NOX4: variants seen among roughly 807,000 people sequenced by gnomAD.
The protein encoded by NOX4 is kidney oxidase-1.
Under a neutral mutation model 87.6 loss-of-function variants are expected in NOX4, and 69 were observed. That is an observed-to-expected ratio of 0.79 (90% confidence interval 0.65 to 0.96). The LOEUF (loss-of-function observed/expected upper bound fraction) is 0.96. Among genes scored for constraint, NOX4 ranks in the 40% least tolerant of loss-of-function variants. NOX4 has a pLI of 0.00. For missense variants in NOX4, 680 were observed against 681.5 expected (o/e 1.00, Z 0.02); for synonymous variants, 275 against 238.2 (o/e 1.15, Z -1.42).
At chr11:89,566,653 A>G in the NOX4 span, among the ~76,000 whole-genome samples, 1 of 152,208 alleles carries the variant, frequency 6.6e-6, no homozygotes, top group Non-Finnish European at 1.5e-5. Flanking sequence ...AGCATCTCCC[A>G]TGGTGAAAAC....
chr11:89,551,788 T>C, the NOX4 span, among the ~76,000 whole-genome samples: 2 of 152,098 alleles, frequency 1.3e-5, no homozygotes. Context: ...CATTTTTTTT[T>C]CTCTTGCCTG....
chr11:89,484,729 A>C (rs575691983), intron 2 of NOX4, among the ~76,000 whole-genome samples: 3 of 152,180 alleles, frequency 2.0e-5, no homozygotes, highest in Admixed American at 6.6e-5. Context: ...ATAGATAAAG[A>C]ATATAATTTC....
Position 89,392,797 on chromosome 11 carries a change from G to A in NOX4, c.1074+7220C>T, listed in dbSNP as rs191753703. Among the ~76,000 whole-genome samples, 35 of 152,242 alleles carry A rather than the reference G, an allele frequency of 2.3e-4. 1 individual carries two copies. Among genetic ancestry groups the A allele is most frequent in the African/African-American group, 6.5e-4 (27 of 41,562 alleles). On this transcript the variant is annotated intron_variant, in intron 11 of 17. Coordinates refer to ENST00000263317, the MANE Select transcript of NOX4 (RefSeq NM_016931.5). Reference sequence around the variant, plus strand: ...ACATGAAAGTATTCAGGAGCTCATGGTAACCAAAATAATTTTCATGGAATT... The same window carrying A: ...ACATGAAAGTATTCAGGAGCTCATGATAACCAAAATAATTTTCATGGAATT...
chr11:89,506,313 GAAAGAA>G, the NOX4 span, among the ~76,000 whole-genome samples: 1 of 142,786 alleles, frequency 7.0e-6, no homozygotes, highest in African/African-American at 2.6e-5. Flanking sequence ...GAGAGAGAAA[GAAAGAA>G]AGAGAAAAAA....
chr11:89,453,182 C>T (rs913745178), intron 2 of NOX4, among the ~76,000 whole-genome samples: 4 of 152,074 alleles, frequency 2.6e-5, no homozygotes, highest in Non-Finnish European at 5.9e-5. Context: ...TTCTTCTAAC[C>T]GAAACTTTGT....
At chr11:89,470,722 CT>C (rs2135441724) in intron 2 of NOX4, among the ~76,000 whole-genome samples, 1 of 152,268 alleles carries the variant, frequency 6.6e-6, no homozygotes, top group East Asian at 1.9e-4. Flanking sequence ...CTAGTCCAAC[CT>C]CCTTTTTTTT....
At chr11:89,459,845 AAT>A (rs1336079009) in intron 2 of NOX4, among the ~76,000 whole-genome samples, 1 of 152,208 alleles carries the variant, frequency 6.6e-6, no homozygotes, top group Admixed American at 6.5e-5. Context: ...AAGAGCCCAC[AAT>A]TCCAAGTCAA....
At chr11:89,489,065 C>A in intron 2 of NOX4, 2 of 693,554 alleles carry the variant, frequency 2.9e-6, no homozygotes, top group Non-Finnish European at 5.2e-6. Flanking sequence ...AACCCATTGG[C>A]TTAAAACCTA....
intron 7 of NOX4, among the ~76,000 whole-genome samples, chr11:89,423,725 C>A (rs77273516): frequency 1.3e-3 from 201 of 151,820 alleles, no homozygotes; most frequent in African/African-American, 4.7e-3. Flanking sequence ...TGTCTGAGAA[C>A]GTTGTTGAAA....
intron 2 of NOX4, among the ~76,000 whole-genome samples, chr11:89,467,944 C>T (rs1322901203): frequency 6.6e-6 from 1 of 152,190 alleles, no homozygotes; most frequent in African/African-American, 2.4e-5. Flanking sequence ...ACAAGGACTA[C>T]ATTTCAAGTT....
At chr11:89,330,628 G>GAAA (rs35155228) in intron 17 of NOX4, among the ~76,000 whole-genome samples, 2 of 79,618 alleles carry the variant, frequency 2.5e-5, no homozygotes, top group African/African-American at 4.4e-5. Flanking sequence ...TTACTAAAAA[G>GAAA]AAAAAAAAAA....
the NOX4 span, among the ~76,000 whole-genome samples, chr11:89,569,701 T>C: frequency 1.3e-5 from 2 of 152,076 alleles, no homozygotes; most frequent in Non-Finnish European, 2.9e-5. Flanking sequence ...TGGGTATATA[T>C]CTAAAAGATA....
the NOX4 span, among the ~76,000 whole-genome samples, chr11:89,579,919 A>C: frequency 0.021 from 3,209 of 152,222 alleles, 95 homozygotes; most frequent in African/African-American, 0.066. Context: ...CAAATGAAAA[A>C]AAAAAAGACC....
chr11:89,382,997 T>A (rs1297153010), intron 11 of NOX4, among the ~76,000 whole-genome samples: 11 of 152,074 alleles, frequency 7.2e-5, no homozygotes, highest in Non-Finnish European at 8.8e-5. Context: ...AAGGTCATCT[T>A]ATTCTCAATA....
At chr11:89,436,055 T>C (rs1355239748) in intron 6 of NOX4, among the ~76,000 whole-genome samples, 1 of 152,186 alleles carries the variant, frequency 6.6e-6, no homozygotes, top group Non-Finnish European at 1.5e-5. Context: ...AGAAGATCTA[T>C]GCATCAAATA....
rs193090083 is a variant in NOX4 at position 89,416,794 on chromosome 11, A to C, written c.629+5108T>G. On this transcript the variant is annotated intron_variant, in intron 8 of 17. Transcript: ENST00000263317. ...ATACTCCTTTTAGATTTCCTAGAAA[A>C]AAAATGATTCAAGTAGAATATAAAT... is the stretch of plus-strand genomic sequence containing the variant. Among the ~76,000 whole-genome samples, 222 of 152,292 alleles carry C rather than the reference A, an allele frequency of 1.5e-3. 1 individual carries two copies. The highest frequency in any genetic ancestry group is 9.3e-3 in the South Asian group (45 of 4,830).
At chr11:89,497,267 G>T (rs762365073) in intron 1 of NOX4, among the ~76,000 whole-genome samples, 1 of 152,122 alleles carries the variant, frequency 6.6e-6, no homozygotes, top group South Asian at 2.1e-4. Context: ...AGTAATTCCT[G>T]TATGTGTGTG....
intron 17 of NOX4, among the ~76,000 whole-genome samples, chr11:89,330,491 A>G (rs1389063155): frequency 6.6e-6 from 1 of 152,050 alleles, no homozygotes; most frequent in African/African-American, 2.4e-5. Flanking sequence ...ACAAATAGCT[A>G]GGTCTCCCCA....
At chr11:89,404,734 A>T (rs1426653422) in intron 8 of NOX4, among the ~76,000 whole-genome samples, 6 of 152,104 alleles carry the variant, frequency 3.9e-5, no homozygotes, top group African/African-American at 1.2e-4. Context: ...ACCTCTCATG[A>T]TATATCACAT....
Sources: gnomAD v4.1 joint callset for allele counts (sites outside exome capture counted in the v4.1 genomes callset) on GRCh38, gnomAD v4.1.1 for gene constraint, MANE v1.5 for transcripts, NCBI Gene and HGNC (gene_info 2026-07-23, HGNC 2026-07-21) for gene names.